GPR158: variants seen among roughly 807,000 people sequenced by gnomAD.
GPR158 encodes the protein metabotropic glycine receptor.
In GPR158, 30 loss-of-function variants were observed where a neutral mutation model predicts 78.2. The observed-to-expected ratio is 0.38, with a 90% CI of 0.29 to 0.52. The LOEUF is 0.52. Among genes scored for constraint, GPR158 ranks in the 20% least tolerant of loss-of-function variants. The pLI is 0.83. For synonymous variants in GPR158, 581 were observed against 591.1 expected (o/e 0.98, Z 0.25); for missense variants, 1,463 against 1,523.5 (o/e 0.96, Z 0.66).
intron 2 of GPR158, among the ~76,000 whole-genome samples, chr10:25,379,827 T>C (rs992724442): frequency 2.0e-5 from 3 of 151,926 alleles, no homozygotes; most frequent in African/African-American, 7.2e-5. Context: ...CTTCCCCCAG[T>C]GCTTCATATC....
At position 25,175,386 on chromosome 10, in the gene GPR158, C is replaced by A. The variant is rs183511748; in HGVS notation, c.-35C>A. On this transcript the variant is annotated 5_prime_UTR_variant, in exon 1 of 11. Coordinates refer to ENST00000376351, the MANE Select transcript of GPR158 (RefSeq NM_020752.3). The surrounding 1 kb of genome is among the most constrained non-coding windows in gnomAD (Gnocchi z 6.4). ...TCCAAATTTAAAAAGTGATTCCCCCCCCTCCCGTTCCCTCCTCTTCTCTCT... is the reference window on the plus strand; with the variant it reads ...TCCAAATTTAAAAAGTGATTCCCCCACCTCCCGTTCCCTCCTCTTCTCTCT... 14 of 1,294,574 alleles carry A rather than the reference C, an allele frequency of 1.1e-5. No homozygotes were observed. The highest frequency in any genetic ancestry group is 4.3e-5 in the South Asian group (3 of 70,582). The allele number at this position is 1,294,574 out of a possible 1,614,324, so 80.2% of individuals were successfully genotyped here.
At chr10:25,220,356 C>T (rs1306759261) in intron 1 of GPR158, among the ~76,000 whole-genome samples, 2 of 152,146 alleles carry the variant, frequency 1.3e-5, no homozygotes, top group African/African-American at 4.8e-5. Context: ...AATTTTAGCC[C>T]AACTTGGAGC....
At chr10:25,238,302 C>T (rs75918413) in intron 2 of GPR158, among the ~76,000 whole-genome samples, 1,712 of 152,220 alleles carry the variant, frequency 0.011, 27 homozygotes, top group African/African-American at 0.038. Context: ...TTTCCAGTTC[C>T]GATTATAATG....
intron 2 of GPR158, among the ~76,000 whole-genome samples, chr10:25,345,234 T>C (rs1251187266): frequency 1.3e-5 from 2 of 151,998 alleles, no homozygotes; most frequent in Admixed American, 1.3e-4. Flanking sequence ...ACCCTCTTGC[T>C]GGTTCACCAG....
intron 5 of GPR158, among the ~76,000 whole-genome samples, chr10:25,507,658 ATT>A (rs1162395800): frequency 6.6e-6 from 1 of 152,246 alleles, no homozygotes; most frequent in East Asian, 1.9e-4. Flanking sequence ...CTTTTAAAAA[ATT>A]TAATGACATT....
At chr10:25,587,171 G>A (rs533192703) in intron 7 of GPR158, among the ~76,000 whole-genome samples, 18 of 152,222 alleles carry the variant, frequency 1.2e-4, no homozygotes, top group Non-Finnish European at 1.5e-4. Context: ...TTGTCCAGAT[G>A]CAGTGATCTG....
chr10:25,520,686 G>A (rs543797006), intron 5 of GPR158, among the ~76,000 whole-genome samples: 107 of 152,056 alleles, frequency 7.0e-4, no homozygotes, highest in African/African-American at 2.2e-3. Context: ...TAGGCTGCTC[G>A]GGGGTCAGGG....
In GPR158 at chr10:25,575,629, A is replaced by G. The variant is rs904683040; in HGVS notation, c.1753+2742A>G. Among the ~76,000 whole-genome samples the G allele has an allele frequency of 3.9e-5, 6 of 152,222 alleles. 1 individual carries two copies. The South Asian group carries it at 1.2e-3, about 31-fold the overall frequency. ...TCCACGGAGGGAGTCAGATGAACTTATGAGAACATAAAAATAACTAATCTC... is the reference window on the plus strand; with the variant it reads ...TCCACGGAGGGAGTCAGATGAACTTGTGAGAACATAAAAATAACTAATCTC... On this transcript the variant is annotated intron_variant, in intron 7 of 10. Transcript: ENST00000376351.
At chr10:25,374,736 C>G (rs7099328) in intron 2 of GPR158, among the ~76,000 whole-genome samples, 9,137 of 151,582 alleles carry the variant, frequency 0.06, 625 homozygotes, top group African/African-American at 0.17. Context: ...TCGTGTGTTC[C>G]TTTTTTATTA....
Position 25,565,884 on chromosome 10 carries a change from C to T in GPR158, c.1515-6765C>T, listed in dbSNP as rs191984758. 2.6e-4 allele frequency among the ~76,000 whole-genome samples: 40 copies of T among 152,204 alleles called. No individual in the cohort carries two copies. The East Asian group carries it at 7.7e-3, about 29-fold the overall frequency. The stretch of plus-strand genomic sequence containing the variant: ...TGAGCCAAGTGAAAGTACAAAGCTT[C>T]CACAGTGTGGAAGGGGTCTCGAATG... On this transcript the variant is annotated intron_variant, in intron 6 of 10. Transcript: ENST00000376351.
intron 8 of GPR158, among the ~76,000 whole-genome samples, chr10:25,590,311 G>A (rs1837324782): frequency 6.6e-6 from 1 of 152,148 alleles, no homozygotes; most frequent in Non-Finnish European, 1.5e-5. Context: ...TAGAGAACTG[G>A]GCTCTTTGCT....
In GPR158 at chr10:25,340,255, C is replaced by G. The variant is rs145362274; in HGVS notation, c.1009-55656C>G. 3.9e-5 allele frequency among the ~76,000 whole-genome samples: 6 copies of G among 152,058 alleles called. No individual in the cohort carries two copies. In the East Asian group the frequency reaches 9.7e-4, roughly 25 times the overall value. ...TTTGTTTGTTTTATTTTATACAGAT[C>G]TTTGAGTTAGTTTCAGCAAGAGGGT... On this transcript the variant is annotated intron_variant, in intron 2 of 10. Transcript: ENST00000376351.
intron 4 of GPR158, among the ~76,000 whole-genome samples, chr10:25,458,181 G>A (rs1229954489): frequency 1.3e-5 from 2 of 151,898 alleles, no homozygotes; most frequent in East Asian, 1.9e-4. Context: ...TATGCTGTAT[G>A]AAAAAATGGG....
rs548531653 is a variant in GPR158 at position 25,439,259 on chromosome 10, A to G, written c.1335+26786A>G. ...AGCCACGTCTCACATGGTGGCAGAC[A>G]AGAGAAGGAATGAGAAAGAAGCGAA... On this transcript the variant is annotated intron_variant, in intron 4 of 10. Coordinates refer to ENST00000376351, the MANE Select transcript of GPR158 (RefSeq NM_020752.3). Among the ~76,000 whole-genome samples, 4 of 152,310 alleles carry G rather than the reference A, an allele frequency of 2.6e-5. No homozygotes were observed. The South Asian group carries it at 8.3e-4, about 32-fold the overall frequency.
intron 4 of GPR158, among the ~76,000 whole-genome samples, chr10:25,452,017 T>TTTTGTTTTGG (rs1554805080): frequency 2.0e-5 from 3 of 151,154 alleles, no homozygotes; most frequent in Non-Finnish European, 4.4e-5. Flanking sequence ...TTTTGTTTTG[T>TTTTGTTTTGG]TTTGGTTTGG....
intron 2 of GPR158, among the ~76,000 whole-genome samples, chr10:25,353,672 TA>T (rs1326687498): frequency 6.6e-6 from 1 of 152,114 alleles, no homozygotes; most frequent in African/African-American, 2.4e-5. Context: ...AACAGTGATT[TA>T]CCAGTGTTCA....
chr10:25,415,929 T>C (rs1834652464), intron 4 of GPR158, among the ~76,000 whole-genome samples: 2 of 152,110 alleles, frequency 1.3e-5, no homozygotes, highest in South Asian at 2.1e-4. Context: ...ATTATGGTAA[T>C]AGTTGCACTA....
At chr10:25,581,097 T>C (rs1837191935) in intron 7 of GPR158, among the ~76,000 whole-genome samples, 1 of 151,576 alleles carries the variant, frequency 6.6e-6, no homozygotes, top group South Asian at 2.1e-4. Flanking sequence ...GCTAATTTTT[T>C]TTTTGTATTT....
intron 1 of GPR158, among the ~76,000 whole-genome samples, chr10:25,177,873 A>G (rs943367687): frequency 3.3e-5 from 5 of 152,144 alleles, no homozygotes; most frequent in Non-Finnish European, 7.4e-5. Flanking sequence ...ACTCTTTTCT[A>G]CTTTCAAGAT....
Sources: gnomAD v4.1 joint callset for allele counts (sites outside exome capture counted in the v4.1 genomes callset) on GRCh38, gnomAD v4.1.1 for gene constraint, Gnocchi (gnomAD v3.1) non-coding constraint, MANE v1.5 for transcripts, NCBI Gene and HGNC (gene_info 2026-07-23, HGNC 2026-07-21) for gene names.